The following ATXN2 variants were observed in gnomAD, a reference collection of about 807,000 sequenced individuals.
The protein encoded by ATXN2 is ataxin-2.
Under a neutral mutation model 138.6 loss-of-function variants are expected in ATXN2, and 37 were observed. The observed-to-expected ratio is 0.27, with a 90% CI of 0.21 to 0.35. The LOEUF is 0.35. Among genes scored for constraint, ATXN2 ranks in the 10% least tolerant of loss-of-function variants. ATXN2 has a pLI of 1.00. For missense variants in ATXN2, 1,216 were observed against 1,480.3 expected (o/e 0.82, Z 2.93); for synonymous variants, 549 against 543.7 (o/e 1.01, Z -0.13).
chr12:111,576,367 G>A (rs1267886886), intron 1 of ATXN2, among the ~76,000 whole-genome samples: 1 of 152,040 alleles, frequency 6.6e-6, no homozygotes, highest in African/African-American at 2.4e-5. Flanking sequence ...CACAGGAGGC[G>A]GAGGTTGCAG....
intron 1 of ATXN2, among the ~76,000 whole-genome samples, chr12:111,568,437 T>C (rs1297688298): frequency 6.6e-6 from 1 of 152,230 alleles, no homozygotes; most frequent in Non-Finnish European, 1.5e-5. Flanking sequence ...TAGTTTCTAA[T>C]GCTATTTCAA....
At position 111,567,198 on chromosome 12, in the gene ATXN2, G is replaced by T. The variant is rs560607205; in HGVS notation, c.252-11279C>A. ...GAGCACTGTTGAAATGACAACAAAA[G>T]ATTATGAATATTCCAGAAACAGGCC... On this transcript the variant is annotated intron_variant, in intron 1 of 24. Transcript: ENST00000673436. Among the ~76,000 whole-genome samples the T allele has an allele frequency of 3.9e-5, 6 of 152,238 alleles. No homozygotes were observed. The South Asian group carries it at 1.2e-3, about 32-fold the overall frequency.
rs183195947 is a variant in ATXN2, at chr12:111,566,095, T to C, written c.252-10176A>G. ...AACTGCTAACACAAGAATCAGTCCATAGCCCAGGGATCAAGGGATAATTTT... is the reference window on the plus strand; with the variant it reads ...AACTGCTAACACAAGAATCAGTCCACAGCCCAGGGATCAAGGGATAATTTT... On this transcript the variant is annotated intron_variant, in intron 1 of 24. Transcript: ENST00000673436. Among the ~76,000 whole-genome samples the C allele has an allele frequency of 3.3e-5, 5 of 152,146 alleles. No homozygotes were observed. The East Asian group carries it at 7.7e-4, about 24-fold the overall frequency.
intron 5 of ATXN2, among the ~76,000 whole-genome samples, chr12:111,551,064 C>T (rs1882088943): frequency 1.3e-5 from 2 of 151,990 alleles, no homozygotes; most frequent in Non-Finnish European, 1.5e-5. Context: ...TTTGGGAGGC[C>T]GAGGCGGGCG....
chr12:111,554,193 T>A lies in ATXN2; in HGVS notation c.313A>T (p.Asn105Tyr). ...STISFDGIYANMRMVHILTSV... is the reference protein window; with the variant it reads ...STISFDGIYAYMRMVHILTSV... ...GTAAGTATATGAACCATCCTCATAT[T>A]TGCATAGATTCCATCAAAAGAAATC... Residue 105 changes from asparagine (N) to tyrosine (Y), a missense_variant, in exon 3 of 25, where the codon AAT becomes TAT. By Grantham distance (143) the Asn-to-Tyr change is moderately radical (BLOSUM62 -2). Transcript: ENST00000673436. The A allele has an allele frequency of 6.8e-7, 1 of 1,476,130 alleles. No homozygotes were observed. Among genetic ancestry groups the A allele is most frequent in the Non-Finnish European group, 9.0e-7 (1 of 1,105,202 alleles). 91.4% of individuals were successfully genotyped at this position (1,476,130 alleles called of 1,614,324 possible).
In ATXN2 at chr12:111,518,273, A is replaced by C; in HGVS notation, c.1141T>G (p.Ser381Ala). The change falls in exon 9 of 25, where the codon TCA becomes GCA. Residue 381 changes from serine to alanine, a missense_variant. Ser to Ala is a moderately conservative substitution (Grantham distance 99). Around this residue, in one of 4 missense-constraint regions of ATXN2, gnomAD observed 401 missense variants for 528.1 expected, o/e 0.76. Coordinates refer to ENST00000673436, the MANE Select transcript of ATXN2 (RefSeq NM_001372574.1). ...CCTCCATTAACTACTCTTTGGTCTG[A>C]ACCAGAATTCGGGTTGAAATCTGAA... ...HTSDFNPNSG[S>A]DQRVVNGGVP... 6.2e-7 allele frequency: 1 copy of C among 1,609,258 alleles called. No homozygotes were observed.
chr12:111,507,648 G>A (rs544937294), intron 14 of ATXN2, among the ~76,000 whole-genome samples: 2,747 of 152,298 alleles, frequency 0.018, 40 homozygotes, highest in Non-Finnish European at 0.029. Context: ...CCACCACCCC[G>A]TCTGGGAGGT....
chr12:111,570,869 CA>C (rs1883277966), intron 1 of ATXN2, among the ~76,000 whole-genome samples: 1 of 152,182 alleles, frequency 6.6e-6, no homozygotes, highest in South Asian at 2.1e-4. Flanking sequence ...AATGAATATA[CA>C]AACTTAATGA....
intron 5 of ATXN2, among the ~76,000 whole-genome samples, chr12:111,536,838 C>A (rs1881210241): frequency 7.3e-6 from 1 of 136,708 alleles, no homozygotes; most frequent in African/African-American, 2.9e-5. Flanking sequence ...GGCTGGAGTG[C>A]AGTGGCGTGA....
At chr12:111,466,179 A>AAAATAAAAAAT (rs1876001611) in intron 20 of ATXN2, among the ~76,000 whole-genome samples, 1 of 144,688 alleles carries the variant, frequency 6.9e-6, no homozygotes, top group Non-Finnish European at 1.5e-5. Context: ...AATTAAAAAA[A>AAAATAAAAAAT]AAATAAAAAA....
chr12:111,547,797 T>C (rs1264333527), intron 5 of ATXN2, among the ~76,000 whole-genome samples: 1 of 146,706 alleles, frequency 6.8e-6, no homozygotes, highest in Non-Finnish European at 1.5e-5. Flanking sequence ...AAAAAAAAAC[T>C]TGAACAACAT....
intron 18 of ATXN2, chr12:111,471,735 C>T (rs548641119): frequency 6.6e-6 from 1 of 151,108 alleles, no homozygotes; most frequent in Non-Finnish European, 1.5e-5. Context: ...CTTGGATGCA[C>T]GTATTTAAAA....
chr12:111,486,689 GGAA>G, intron 16 of ATXN2, 69 bp downstream of exon 16: 6 of 1,311,644 alleles, frequency 4.6e-6, no homozygotes, highest in East Asian at 2.3e-5. Flanking sequence ...TGGCAGGTAT[GGAA>G]GAAGGACTAT....
chr12:111,526,493 C>T (rs1272011408), intron 5 of ATXN2, among the ~76,000 whole-genome samples: 1 of 151,466 alleles, frequency 6.6e-6, no homozygotes, highest in Non-Finnish European at 1.5e-5. Flanking sequence ...CAACATCCAC[C>T]TTCCAGGTTC....
intron 14 of ATXN2, among the ~76,000 whole-genome samples, chr12:111,501,174 T>C (rs1007129486): frequency 1.2e-4 from 18 of 152,076 alleles, no homozygotes; most frequent in African/African-American, 4.3e-4. Flanking sequence ...ACCTTTAAAG[T>C]AGACTGCAAA....
At chr12:111,505,916 T>C (rs971021141) in intron 14 of ATXN2, among the ~76,000 whole-genome samples, 8 of 152,188 alleles carry the variant, frequency 5.3e-5, no homozygotes, top group African/African-American at 1.7e-4. Context: ...TTATTCAGAA[T>C]AGTCAAACAG....
At chr12:111,545,159 A>T (rs1244425689) in intron 5 of ATXN2, among the ~76,000 whole-genome samples, 1 of 152,178 alleles carries the variant, frequency 6.6e-6, no homozygotes, top group Non-Finnish European at 1.5e-5. Context: ...TCTGTCTCAA[A>T]AACAAAAACA....
intron 6 of ATXN2, among the ~76,000 whole-genome samples, chr12:111,521,454 A>G (rs1485357580): frequency 6.6e-5 from 10 of 152,312 alleles, no homozygotes; most frequent in Admixed American, 6.5e-5. Context: ...AAGAAGGGAG[A>G]AGCCAACGCT....
At chr12:111,580,384 GC>G (rs1883926834) in intron 1 of ATXN2, among the ~76,000 whole-genome samples, 1 of 151,708 alleles carries the variant, frequency 6.6e-6, no homozygotes, top group Non-Finnish European at 1.5e-5. Flanking sequence ...CAGGTACTCA[GC>G]AAGCTGAGGT....
Sources: allele counts gnomAD v4.1 joint callset (sites outside exome capture counted in the v4.1 genomes callset), GRCh38; gene constraint gnomAD v4.1.1; regional missense constraint gnomAD v4.1.1; transcripts MANE v1.5; gene names NCBI Gene and HGNC (gene_info 2026-07-23, HGNC 2026-07-21).